MAML2: variants seen among roughly 807,000 people sequenced by gnomAD.
MAML2 encodes mastermind-like protein 2.
MAML2 carries 22 observed loss-of-function variants against 96.1 expected under a neutral mutation model. The observed-to-expected ratio is 0.23, with a 90% confidence interval of 0.16 to 0.33. The LOEUF (loss-of-function observed/expected upper bound fraction) is 0.33. Among genes scored for constraint, MAML2 ranks in the 10% least tolerant of loss-of-function variants. The probability of loss-of-function intolerance (pLI) is 1.00; values close to 1 mark genes in which losing one functional copy is unlikely to be tolerated. For synonymous variants in MAML2, 561 were observed against 521.3 expected (o/e 1.08, Z -1.04); for missense variants, 1,367 against 1,392.4 (o/e 0.98, Z 0.29).
intron 2 of MAML2, among the ~76,000 whole-genome samples, chr11:95,999,765 C>G (rs191034576): frequency 6.6e-6 from 1 of 152,180 alleles, no homozygotes; most frequent in East Asian, 1.9e-4. Context: ...CTTTCTTTTT[C>G]TTGGCTTCTA....
chr11:96,151,697 C>G (rs959255986), intron 1 of MAML2, among the ~76,000 whole-genome samples: 1 of 152,168 alleles, frequency 6.6e-6, no homozygotes, highest in Non-Finnish European at 1.5e-5. Context: ...ATGTAAGACA[C>G]CCGCTCCTAC....
chr11:95,983,480 G>A (rs1857774698), intron 4 of MAML2, among the ~76,000 whole-genome samples: 1 of 152,098 alleles, frequency 6.6e-6, no homozygotes, highest in African/African-American at 2.4e-5. Context: ...ATAAGTCCTG[G>A]TGTTTTGTAG....
At chr11:96,325,628 A>AT (rs113828810) in intron 1 of MAML2, among the ~76,000 whole-genome samples, 3,764 of 148,852 alleles carry the variant, frequency 0.025, 135 homozygotes, top group African/African-American at 0.085. Context: ...GACACTGATC[A>AT]TTTTTTTTTT....
At chr11:96,121,122 A>C (rs74896671) in intron 1 of MAML2, among the ~76,000 whole-genome samples, 14,040 of 152,136 alleles carry the variant, frequency 0.092, 904 homozygotes, top group Non-Finnish European at 0.14. Flanking sequence ...ATTCCAGGTC[A>C]CAGGCTCATT....
intron 1 of MAML2, among the ~76,000 whole-genome samples, chr11:96,154,136 C>T (rs1210294199): frequency 3.9e-5 from 6 of 152,100 alleles, no homozygotes; most frequent in Admixed American, 6.5e-5. Context: ...GCTTCTCAAA[C>T]TGAACTTTAA....
intron 1 of MAML2, among the ~76,000 whole-genome samples, chr11:96,237,355 T>C (rs767891107): frequency 1.3e-4 from 20 of 152,340 alleles, no homozygotes; most frequent in South Asian, 1.0e-3. Flanking sequence ...CCTCAGCCCA[T>C]GTTGATCTCT....
At chr11:96,100,285 GTTGTTA>G (rs1336895918) in intron 1 of MAML2, among the ~76,000 whole-genome samples, 1 of 151,528 alleles carries the variant, frequency 6.6e-6, no homozygotes, top group African/African-American at 2.4e-5. Flanking sequence ...AGGGTTTTTT[GTTGTTA>G]TTGTTGTTGT....
intron 1 of MAML2, among the ~76,000 whole-genome samples, chr11:96,192,173 T>C (rs547071199): frequency 9.2e-5 from 14 of 152,326 alleles, no homozygotes; most frequent in African/African-American, 3.1e-4. Flanking sequence ...CGAGGCTGGC[T>C]GGAAAACAGG....
At chr11:96,208,210 C>T (rs1044484365) in intron 1 of MAML2, among the ~76,000 whole-genome samples, 4 of 152,220 alleles carry the variant, frequency 2.6e-5, no homozygotes, top group African/African-American at 9.6e-5. Context: ...GGGCATTAGA[C>T]TCCTCCAATG....
intron 1 of MAML2, among the ~76,000 whole-genome samples, chr11:96,208,119 A>G (rs1861920448): frequency 6.6e-6 from 1 of 152,220 alleles, no homozygotes; most frequent in Non-Finnish European, 1.5e-5. Flanking sequence ...CATAAAAAGT[A>G]TTATTAGTCT....
chr11:96,166,069 C>G (rs1336197226), intron 1 of MAML2, among the ~76,000 whole-genome samples: 2 of 151,964 alleles, frequency 1.3e-5, no homozygotes, highest in African/African-American at 4.8e-5. Context: ...TGAATGCCAG[C>G]ATTTCTCTCG....
At chr11:96,217,031 AG>A (rs1862060520) in intron 1 of MAML2, among the ~76,000 whole-genome samples, 1 of 152,212 alleles carries the variant, frequency 6.6e-6, no homozygotes, top group Non-Finnish European at 1.5e-5. Context: ...GTGTGAGAGC[AG>A]GATGGTGGGG....
chr11:96,108,749 C>T (rs183256755), intron 1 of MAML2, among the ~76,000 whole-genome samples: 45 of 152,154 alleles, frequency 3.0e-4, no homozygotes, highest in African/African-American at 1.1e-3. Context: ...AAAGTGTAAG[C>T]AGGCTGGACA....
At chr11:96,262,086 G>C (rs1292910508) in intron 1 of MAML2, among the ~76,000 whole-genome samples, 2 of 152,172 alleles carry the variant, frequency 1.3e-5, no homozygotes, top group African/African-American at 4.8e-5. Context: ...TTGAGTATTT[G>C]AGGATGGAAC....
intron 1 of MAML2, among the ~76,000 whole-genome samples, chr11:96,249,459 T>C (rs922984278): frequency 2.6e-5 from 4 of 152,128 alleles, no homozygotes; most frequent in Non-Finnish European, 5.9e-5. Flanking sequence ...GGATGTCTAA[T>C]AGGCATGTCA....
chr11:96,223,733 C>A (rs531648661), intron 1 of MAML2, among the ~76,000 whole-genome samples: 1 of 152,194 alleles, frequency 6.6e-6, no homozygotes, highest in South Asian at 2.1e-4. Flanking sequence ...ACCCGCCATA[C>A]CCAGGTAGTT....
intron 1 of MAML2, among the ~76,000 whole-genome samples, chr11:96,286,883 A>T (rs1863148026): frequency 6.6e-6 from 1 of 152,226 alleles, no homozygotes; most frequent in Non-Finnish European, 1.5e-5. Flanking sequence ...ATTTAAACTT[A>T]TATTTACATG....
chr11:96,282,256 A>AATAATAATAAT (rs989774428), intron 1 of MAML2, among the ~76,000 whole-genome samples: 1 of 147,842 alleles, frequency 6.8e-6, no homozygotes, highest in Non-Finnish European at 1.5e-5. Context: ...CTCAAAAAAA[A>AATAATAATAAT]AATAATAATA....
At chr11:96,114,755 G>C (rs1375120621) in intron 1 of MAML2, among the ~76,000 whole-genome samples, 2 of 152,206 alleles carry the variant, frequency 1.3e-5, no homozygotes, top group African/African-American at 4.8e-5. Flanking sequence ...GCCCCACATA[G>C]GTGTCTTTGT....
Sources: allele counts gnomAD v4.1 joint callset (sites outside exome capture counted in the v4.1 genomes callset), GRCh38; gene constraint gnomAD v4.1.1; transcripts MANE v1.5; gene names NCBI Gene and HGNC (gene_info 2026-07-23, HGNC 2026-07-21).